BANK1: variants seen among roughly 807,000 people sequenced by gnomAD.
BANK1 encodes B-cell scaffold protein with ankyrin repeats.
BANK1 carries 95 observed loss-of-function variants against 94.5 expected under a neutral mutation model. That is an observed-to-expected ratio of 1.00 (90% CI 0.85 to 1.19). The LOEUF is 1.19. BANK1 is among the 50% of genes most tolerant of loss of function. The pLI is 0.00. For synonymous variants in BANK1, 334 were observed against 308.4 expected (o/e 1.08, Z -0.87); for missense variants, 987 against 932.2 (o/e 1.06, Z -0.77).
chr4:101,984,366 C>T (rs560759356), intron 7 of BANK1, among the ~76,000 whole-genome samples: 35 of 151,942 alleles, frequency 2.3e-4, no homozygotes, highest in Non-Finnish European at 4.7e-4. Context: ...AGTAGTTATT[C>T]TCTTTATAGA....
At chr4:102,032,901 A>AT (rs1252797918) in intron 10 of BANK1, among the ~76,000 whole-genome samples, 1 of 151,778 alleles carries the variant, frequency 6.6e-6, no homozygotes, top group East Asian at 1.9e-4. Context: ...TAAAAATAAA[A>AT]AAAAAAAATG....
intron 7 of BANK1, among the ~76,000 whole-genome samples, chr4:101,922,896 C>T (rs778706209): frequency 1.4e-4 from 21 of 151,800 alleles, no homozygotes; most frequent in Non-Finnish European, 2.9e-4. Flanking sequence ...TTTCTCTTCT[C>T]CAAGTCCTCA....
At chr4:101,847,950 T>G (rs978578426) in intron 2 of BANK1, among the ~76,000 whole-genome samples, 10 of 152,178 alleles carry the variant, frequency 6.6e-5, no homozygotes, top group African/African-American at 2.4e-4. Context: ...TTTTACCCCC[T>G]GCTCCTCTGG....
intron 4 of BANK1, among the ~76,000 whole-genome samples, chr4:101,866,683 A>G (rs1728082003): frequency 2.0e-5 from 1 of 49,696 alleles, no homozygotes; most frequent in Non-Finnish European, 4.0e-5. Context: ...CCAAAGGACT[A>G]TAAATCATGC....
chr4:101,798,884 G>T (rs1353588093), intron 1 of BANK1, among the ~76,000 whole-genome samples: 19 of 152,162 alleles, frequency 1.2e-4, no homozygotes, highest in Non-Finnish European at 2.8e-4. Flanking sequence ...TGGGTAGATT[G>T]TAAAACTTTT....
chr4:102,040,378 C>T (rs570528825), intron 10 of BANK1, among the ~76,000 whole-genome samples: 2 of 151,830 alleles, frequency 1.3e-5, no homozygotes, highest in East Asian at 1.9e-4. Flanking sequence ...TATTTTAAAC[C>T]GCAAAAATTG....
chr4:101,871,216 A>G (rs1040555699), intron 5 of BANK1, among the ~76,000 whole-genome samples: 1 of 152,134 alleles, frequency 6.6e-6, no homozygotes, highest in African/African-American at 2.4e-5. Context: ...TGCTTATTCC[A>G]TCAAATTTTC....
At chr4:101,933,971 C>A (rs1254561282) in intron 7 of BANK1, among the ~76,000 whole-genome samples, 2 of 151,358 alleles carry the variant, frequency 1.3e-5, no homozygotes, top group African/African-American at 4.8e-5. Flanking sequence ...GCCAAACAGA[C>A]AAACAAAAAA....
chr4:101,993,419 T>C (rs1250358788), intron 7 of BANK1, among the ~76,000 whole-genome samples: 2 of 152,204 alleles, frequency 1.3e-5, no homozygotes, highest in African/African-American at 2.4e-5. Context: ...TCTAGAATGC[T>C]TTGTTACAGA....
At chr4:102,045,304 C>G (rs532636221) in intron 11 of BANK1, among the ~76,000 whole-genome samples, 1 of 151,918 alleles carries the variant, frequency 6.6e-6, no homozygotes, top group Admixed American at 6.6e-5. Context: ...ATAATAAGAG[C>G]GTATCTATGA....
At chr4:101,845,588 T>C (rs1170059020) in intron 2 of BANK1, among the ~76,000 whole-genome samples, 2 of 152,150 alleles carry the variant, frequency 1.3e-5, no homozygotes, top group African/African-American at 4.8e-5. Context: ...TTTGACACAA[T>C]AAAAATAATC....
At chr4:101,803,782 G>A (rs1245427212) in intron 1 of BANK1, among the ~76,000 whole-genome samples, 2 of 151,492 alleles carry the variant, frequency 1.3e-5, no homozygotes, top group African/African-American at 4.8e-5. Flanking sequence ...CGGATCACGA[G>A]GTCAGGAGAT....
intron 7 of BANK1, among the ~76,000 whole-genome samples, chr4:101,968,107 A>G (rs1724824458): frequency 6.6e-6 from 1 of 152,020 alleles, no homozygotes; most frequent in Admixed American, 6.6e-5. Context: ...CACAGATGAT[A>G]AGAAGAAATG....
At chr4:101,956,903 T>C (rs1724366155) in intron 7 of BANK1, among the ~76,000 whole-genome samples, 1 of 152,196 alleles carries the variant, frequency 6.6e-6, no homozygotes, top group Admixed American at 6.6e-5. Context: ...TTACTCAACA[T>C]CAGATAATTT....
At chr4:101,872,597 G>A (rs567283968) in intron 5 of BANK1, among the ~76,000 whole-genome samples, 5 of 152,250 alleles carry the variant, frequency 3.3e-5, no homozygotes, top group East Asian at 1.9e-4. Context: ...GTTTGACCTC[G>A]AGGGAGTTGT....
chr4:102,062,975 C>A, intron 12 of BANK1, 100 bp from the exon 13 acceptor site: 2 of 850,638 alleles, frequency 2.4e-6, no homozygotes, highest in Non-Finnish European at 3.8e-6. Context: ...AAATTAATAT[C>A]AAGTAGCAGC....
intron 10 of BANK1, among the ~76,000 whole-genome samples, chr4:102,035,176 C>T (rs1248395029): frequency 6.6e-6 from 1 of 152,152 alleles, no homozygotes; most frequent in Non-Finnish European, 1.5e-5. Flanking sequence ...TTTAAACCAT[C>T]TTATGTCCAA....
intron 15 of BANK1, among the ~76,000 whole-genome samples, chr4:102,072,999 T>C (rs1478773066): frequency 6.6e-6 from 1 of 152,090 alleles, no homozygotes; most frequent in Admixed American, 6.5e-5. Flanking sequence ...CTTGCGCTGC[T>C]ACCAAGAGTC....
chr4:101,942,754 G>A (rs1261840870), intron 7 of BANK1, among the ~76,000 whole-genome samples: 1 of 151,750 alleles, frequency 6.6e-6, no homozygotes, highest in South Asian at 2.1e-4. Flanking sequence ...GAGAGAAAAG[G>A]TAGAAAAATA....
Sources: allele counts gnomAD v4.1 joint callset (sites outside exome capture counted in the v4.1 genomes callset), GRCh38; gene constraint gnomAD v4.1.1; transcripts MANE v1.5; gene names NCBI Gene and HGNC (gene_info 2026-07-23, HGNC 2026-07-21).